Variants in RCBTB1 observed in about 807,000 individuals in gnomAD.
The protein encoded by RCBTB1 is RCC1 and BTB domain-containing protein 1.
A neutral mutation model predicts 62.4 loss-of-function variants in RCBTB1; 46 were observed. That is an observed-to-expected ratio of 0.74 (90% CI 0.58 to 0.94). The LOEUF (loss-of-function observed/expected upper bound fraction) is 0.94. Ranked by LOEUF, RCBTB1 falls within the 40% of genes least tolerant of loss-of-function variation. The pLI is 0.00. For missense variants in RCBTB1, 565 were observed against 654.9 expected (o/e 0.86, Z 1.50); for synonymous variants, 222 against 245.8 (o/e 0.90, Z 0.91).
chr13:49,583,022 A>C (rs1174235598), intron 1 of RCBTB1, among the ~76,000 whole-genome samples: 1 of 152,086 alleles, frequency 6.6e-6, no homozygotes, highest in Non-Finnish European at 1.5e-5. Context: ...ACAAAAAATA[A>C]AAAAATTAGT....
chr13:49,555,435 T>C, intron 6 of RCBTB1, 80 bp downstream of exon 6: 2 of 1,180,436 alleles, frequency 1.7e-6, no homozygotes, highest in East Asian at 2.3e-5. Flanking sequence ...TTCTTCCATC[T>C]GATACATTCA....
intron 8 of RCBTB1, 66 bp from the exon 9 acceptor site, chr13:49,549,714 G>A: frequency 2.0e-6 from 3 of 1,515,052 alleles, no homozygotes; most frequent in Admixed American, 2.1e-5. Context: ...CACCACACAA[G>A]GCAATTTAAA....
chr13:49,559,937 GC>G lies in RCBTB1; in HGVS notation c.424del (p.Ala142LeufsTer42). 6.2e-7 allele frequency: 1 copy of G among 1,613,802 alleles called. No homozygotes were observed. Among genetic ancestry groups the G allele is most frequent in the Non-Finnish European group, 8.5e-7 (1 of 1,179,870 alleles). On this transcript the variant is annotated frameshift_variant, in exon 5 of 13. Transcript: ENST00000378302. LOFTEE classifies it high-confidence loss of function. ...EVACGSHHSMALAADGEVFAW... is the reference protein window; with the variant it reads ...EVACGSHHSMXLAADGEVFAW... ...ACTTACCTCTCCATCAGCTGCCAGA[GC>G]CATTGAATGATGTGAGCCACAAGCT...
At chr13:49,547,114 CA>C (rs770308810) in intron 9 of RCBTB1, 262 of 1,283,114 alleles carry the variant, frequency 2.0e-4, no homozygotes, top group Non-Finnish European at 2.6e-4. Context: ...CATACATGTG[CA>C]ATTCTGGCCA....
intron 1 of RCBTB1, among the ~76,000 whole-genome samples, 168 bp downstream of exon 1, chr13:49,585,276 C>G (rs1039876563): frequency 1.3e-4 from 20 of 152,164 alleles, no homozygotes; most frequent in Non-Finnish European, 2.2e-4. Flanking sequence ...GACCCCATCC[C>G]TCGCCCCGGA....
chr13:49,543,354 G>C (rs1208392033), intron 10 of RCBTB1, among the ~76,000 whole-genome samples: 1 of 152,134 alleles, frequency 6.6e-6, no homozygotes, highest in Non-Finnish European at 1.5e-5. Flanking sequence ...AGAAATAGTT[G>C]TCTAAGAAAG....
At chr13:49,554,346 T>C (rs945587075) in intron 6 of RCBTB1, among the ~76,000 whole-genome samples, 3 of 152,198 alleles carry the variant, frequency 2.0e-5, no homozygotes, top group African/African-American at 7.2e-5. Context: ...ACCTAAAAAT[T>C]AAACTTATTT....
At position 49,549,459 on chromosome 13, in the gene RCBTB1, C is replaced by T. The variant is rs942924221; in HGVS notation, c.1044G>A (p.Val348=). 1 of 1,606,872 alleles carries T rather than the reference C, an allele frequency of 6.2e-7. No individual in the cohort carries two copies. The highest frequency in any genetic ancestry group is 1.7e-5 in the Admixed American group (1 of 59,734). ...TPAVSWRLLS[V]EHEDFLTVAE... is the part of the protein sequence containing the mutation. Reference sequence around the variant, plus strand: ...GGAGGTGGCCCTGCACTTTCTTACCCACAGACAGGAGGCGCCACGAGACGG... The same window carrying T: ...GGAGGTGGCCCTGCACTTTCTTACCTACAGACAGGAGGCGCCACGAGACGG... The change falls in exon 9 of 13, where the codon GTG becomes GTA. Residue 348 remains valine (V), a splice_region_variant and synonymous_variant. Transcript: ENST00000378302.
chr13:49,553,387 G>A (rs1961547636), intron 6 of RCBTB1, among the ~76,000 whole-genome samples: 2 of 152,132 alleles, frequency 1.3e-5, no homozygotes, highest in African/African-American at 4.8e-5. Flanking sequence ...TAGCAAATAG[G>A]TGAGCTCTGA....
chr13:49,583,831 G>A (rs985128620), intron 1 of RCBTB1, among the ~76,000 whole-genome samples: 2 of 152,208 alleles, frequency 1.3e-5, no homozygotes, highest in African/African-American at 4.8e-5. Flanking sequence ...ACAGATGTAA[G>A]CCACTGCGCC....
intron 9 of RCBTB1, among the ~76,000 whole-genome samples, chr13:49,547,331 T>C (rs752976296): frequency 6.6e-6 from 1 of 152,236 alleles, no homozygotes; most frequent in African/African-American, 2.4e-5. Context: ...CAACTCCACC[T>C]GTCTGACACA....
At chr13:49,538,758 T>TAC (rs10640169) in intron 12 of RCBTB1, among the ~76,000 whole-genome samples, 92,172 of 150,020 alleles carry the variant, frequency 0.61, 29,363 homozygotes, top group Admixed American at 0.71. Flanking sequence ...TATATATATA[T>TAC]ACACACACAC....
chr13:49,566,274 AT>A (rs1406463972), intron 4 of RCBTB1, among the ~76,000 whole-genome samples: 1 of 105,898 alleles, frequency 9.4e-6, no homozygotes, highest in Non-Finnish European at 1.8e-5. Context: ...ATAAAATAAA[AT>A]AAATAAATAA....
chr13:49,564,620 G>A lies in RCBTB1; in HGVS notation c.277+1998C>T, dbSNP rs113616190. ...AAAAAAAAAAAAAAATGCCGGGCGC[G>A]GTGGCTCACGCCTGTAATCCCAGCA... is the stretch of plus-strand genomic sequence containing the variant. On this transcript the variant is annotated intron_variant, in intron 4 of 12. Coordinates refer to ENST00000378302, the MANE Select transcript of RCBTB1 (RefSeq NM_018191.4). 8.6e-3 allele frequency among the ~76,000 whole-genome samples: 1,123 copies of A among 130,404 alleles called. 18 individuals are homozygous for A. Among genetic ancestry groups the A allele is most frequent in the African/African-American group, 0.033 (1,069 of 32,244 alleles). The allele number at this position is 130,404 out of a possible 152,430, so 85.6% of individuals were successfully genotyped here. A position where few individuals can be genotyped will look rare whatever the true frequency, so the allele number is the denominator to read the frequency against.
At chr13:49,578,427 T>C (rs1025856782) in intron 2 of RCBTB1, among the ~76,000 whole-genome samples, 1 of 152,212 alleles carries the variant, frequency 6.6e-6, no homozygotes, top group African/African-American at 2.4e-5. Flanking sequence ...TAGCATACAT[T>C]AATTCTTCTT....
intron 6 of RCBTB1, 79 bp from the exon 7 acceptor site, chr13:49,552,364 A>T: frequency 1.2e-6 from 1 of 824,912 alleles, no homozygotes; most frequent in African/African-American, 1.7e-5. Flanking sequence ...CAGCCCATCT[A>T]AACAAATCAG....
At chr13:49,538,389 G>A (rs2407696) in intron 12 of RCBTB1, among the ~76,000 whole-genome samples, 88,244 of 152,022 alleles carry the variant, frequency 0.58, 26,947 homozygotes, top group Non-Finnish European at 0.69. Context: ...AGTCAATTAC[G>A]TAACTTGTAT....
rs1027836950 is a variant in RCBTB1, at chr13:49,534,016, C to T, written c.*106G>A. 3.2e-6 allele frequency: 4 copies of T among 1,242,772 alleles called. No homozygotes were observed. The highest frequency in any genetic ancestry group is 2.4e-5 in the Admixed American group (1 of 41,490). The allele number at this position is 1,242,772 out of a possible 1,614,324, so 77.0% of individuals were successfully genotyped here. On this transcript the variant is annotated 3_prime_UTR_variant, in exon 13 of 13. Coordinates refer to ENST00000378302, the MANE Select transcript of RCBTB1 (RefSeq NM_018191.4). ...GTGTCCCAGATGTGGAAAAAAACAACCTGATGGTCTTTTACCTGCAGAATC... is the reference window on the plus strand; with the variant it reads ...GTGTCCCAGATGTGGAAAAAAACAATCTGATGGTCTTTTACCTGCAGAATC...
intron 12 of RCBTB1, among the ~76,000 whole-genome samples, chr13:49,534,991 A>G (rs560730618): frequency 3.4e-4 from 51 of 148,290 alleles, no homozygotes; most frequent in African/African-American, 1.3e-3. Flanking sequence ...CCGAGATCGC[A>G]CCACTGCACT....
Sources: gnomAD v4.1 joint callset for allele counts (sites outside exome capture counted in the v4.1 genomes callset) on GRCh38, gnomAD v4.1.1 for gene constraint, MANE v1.5 for transcripts, NCBI Gene and HGNC (gene_info 2026-07-23, HGNC 2026-07-21) for gene names.